Variants in GRIA1 observed in about 807,000 individuals in gnomAD.
GRIA1 encodes the protein glutamate ionotropic receptor AMPA type subunit 1, also known as glutamate receptor 1.
In GRIA1, 31 loss-of-function variants were observed where a neutral mutation model predicts 99.2. The observed-to-expected ratio is 0.31, with a 90% CI of 0.23 to 0.42. The LOEUF (loss-of-function observed/expected upper bound fraction) is 0.42, where lower values mean the gene tolerates loss of function less well. Ranked by LOEUF, GRIA1 falls within the 10% of genes least tolerant of loss-of-function variation. GRIA1 has a pLI of 1.00. For synonymous variants in GRIA1, 438 were observed against 432.4 expected (o/e 1.01, Z -0.16); for missense variants, 782 against 1,157.5 (o/e 0.68, Z 4.71).
intron 8 of GRIA1, 42 bp downstream of exon 8, chr5:153,686,371 T>C: frequency 6.8e-7 from 1 of 1,460,498 alleles, no homozygotes. Context: ...GAGAAGAGGC[T>C]GAGCAGGGAC....
At chr5:153,505,158 A>G (rs556879303) in intron 2 of GRIA1, among the ~76,000 whole-genome samples, 1 of 152,306 alleles carries the variant, frequency 6.6e-6, no homozygotes, top group African/African-American at 2.4e-5. Context: ...TAGGTCATGG[A>G]TTTACAGGGG....
intron 11 of GRIA1, among the ~76,000 whole-genome samples, chr5:153,733,674 T>C (rs946271670): frequency 1.3e-5 from 2 of 152,132 alleles, no homozygotes; most frequent in African/African-American, 4.8e-5. Context: ...AAAAGATATT[T>C]CATACAATTG....
At chr5:153,575,197 AAGAGAG>A (rs3064338) in intron 2 of GRIA1, among the ~76,000 whole-genome samples, 7 of 147,768 alleles carry the variant, frequency 4.7e-5, no homozygotes, top group Non-Finnish European at 7.4e-5. Context: ...TCAAGAGAGA[AAGAGAG>A]AGAGAGAGAG....
chr5:153,531,315 CATGGGCCTTCCTGGGG>C (rs1758076792), intron 2 of GRIA1, among the ~76,000 whole-genome samples: 1 of 152,144 alleles, frequency 6.6e-6, no homozygotes, highest in Non-Finnish European at 1.5e-5. Context: ...CCTTCTAGAC[CATGGGCCTTCCTGGGG>C]ATCTTCTCTT....
chr5:153,701,959 T>A (rs1758565582), intron 10 of GRIA1, among the ~76,000 whole-genome samples: 1 of 152,248 alleles, frequency 6.6e-6, no homozygotes, highest in African/African-American at 2.4e-5. Flanking sequence ...TTACTCACAT[T>A]CTTTCATTTA....
intron 11 of GRIA1, among the ~76,000 whole-genome samples, chr5:153,763,855 T>C (rs1763342306): frequency 6.6e-6 from 1 of 152,250 alleles, no homozygotes; most frequent in African/African-American, 2.4e-5. Flanking sequence ...GAATTGTGTC[T>C]GCACACAATG....
chr5:153,761,156 A>G (rs745980094), intron 11 of GRIA1, among the ~76,000 whole-genome samples: 3 of 152,202 alleles, frequency 2.0e-5, no homozygotes, highest in East Asian at 3.8e-4. Context: ...CCAGACAACA[A>G]AAGCAAAAAT....
rs558521519 is a variant in GRIA1 at position 153,647,766 on chromosome 5, C to G, written c.460+599C>G. On this transcript the variant is annotated intron_variant, in intron 3 of 15. Transcript: ENST00000285900. ...CCTTCTCTGGGCTTTCTAATTCTTC[C>G]TCCTTTGAATTTAACATCACATTTT... Among the ~76,000 whole-genome samples, 6 of 152,262 alleles carry G rather than the reference C, an allele frequency of 3.9e-5. No homozygotes were observed. In the East Asian group the frequency reaches 1.2e-3, roughly 29 times the overall value.
intron 13 of GRIA1, among the ~76,000 whole-genome samples, chr5:153,778,595 T>C (rs897891176): frequency 6.6e-6 from 1 of 151,018 alleles, no homozygotes; most frequent in Admixed American, 6.6e-5. Context: ...AGGAGGGAAA[T>C]TATGAGGAAG....
intron 2 of GRIA1, among the ~76,000 whole-genome samples, chr5:153,564,463 G>A (rs1223534142): frequency 6.6e-6 from 1 of 152,144 alleles, no homozygotes; most frequent in Non-Finnish European, 1.5e-5. Flanking sequence ...AACAATCTTT[G>A]TTTATTATCT....
At position 153,499,613 on chromosome 5, in the gene GRIA1, C is replaced by CAAAAAAAAAAA. The variant is rs70976100; in HGVS notation, c.220+5565_220+5575dup. Among the ~76,000 whole-genome samples the CAAAAAAAAAAA allele has an allele frequency of 3.8e-4, 16 of 42,118 alleles. 1 individual carries two copies. The highest frequency in any genetic ancestry group is 1.3e-3 in the African/African-American group (14 of 10,784). 27.6% of individuals were successfully genotyped at this position (42,118 alleles called of 152,430 possible). On this transcript the variant is annotated intron_variant, in intron 2 of 15. Coordinates refer to ENST00000285900, the MANE Select transcript of GRIA1 (RefSeq NM_000827.4). Reference sequence around the variant, plus strand: ...CTGGCAACAGAGCGAGAATTTGTCTCAAAAAAAAAAAAAAAAAAAAAAAAA... The same window carrying CAAAAAAAAAAA: ...CTGGCAACAGAGCGAGAATTTGTCTCAAAAAAAAAAAAAAAAAAAAAAAAAAAAAAAAAAAA...
intron 11 of GRIA1, among the ~76,000 whole-genome samples, chr5:153,760,576 A>G (rs896091918): frequency 6.6e-6 from 1 of 152,136 alleles, no homozygotes; most frequent in Non-Finnish European, 1.5e-5. Context: ...GAAAGAATTA[A>G]TATTGTTAAA....
intron 11 of GRIA1, among the ~76,000 whole-genome samples, chr5:153,763,781 A>G (rs141472031): frequency 1.3e-5 from 2 of 152,326 alleles, no homozygotes; most frequent in South Asian, 2.1e-4. Context: ...ATTGATTATC[A>G]TATTTGCCTT....
intron 5 of GRIA1, among the ~76,000 whole-genome samples, chr5:153,658,505 A>G (rs1379794361): frequency 6.6e-6 from 1 of 152,234 alleles, no homozygotes; most frequent in Non-Finnish European, 1.5e-5. Flanking sequence ...AATAAAAAAG[A>G]CTTGCATGTT....
intron 11 of GRIA1, among the ~76,000 whole-genome samples, chr5:153,726,629 G>C (rs1463024654): frequency 1.3e-5 from 2 of 152,146 alleles, no homozygotes; most frequent in Non-Finnish European, 2.9e-5. Context: ...AAATAAACTA[G>C]AAAATCTAGA....
intron 5 of GRIA1, among the ~76,000 whole-genome samples, chr5:153,658,561 A>T (rs1398404131): frequency 1.3e-5 from 2 of 152,216 alleles, no homozygotes; most frequent in Non-Finnish European, 2.9e-5. Flanking sequence ...TAATTAATTC[A>T]GTTTGAAACA....
intron 5 of GRIA1, among the ~76,000 whole-genome samples, chr5:153,673,527 A>G (rs1232795135): frequency 6.6e-6 from 1 of 152,232 alleles, no homozygotes; most frequent in South Asian, 2.1e-4. Context: ...TGAAATGATT[A>G]ATCAGTGAAT....
chr5:153,636,236 C>T (rs1345017143), intron 2 of GRIA1, among the ~76,000 whole-genome samples: 1 of 152,134 alleles, frequency 6.6e-6, no homozygotes, highest in Admixed American at 6.5e-5. Flanking sequence ...TCCTGCCCTG[C>T]CTACCTTATT....
chr5:153,679,482 G>C (rs1581455884), intron 7 of GRIA1, among the ~76,000 whole-genome samples: 2 of 152,162 alleles, frequency 1.3e-5, no homozygotes, highest in South Asian at 4.1e-4. Flanking sequence ...ACTCACCCAG[G>C]GTCACACAGC....
Sources: gnomAD v4.1 joint callset for allele counts (sites outside exome capture counted in the v4.1 genomes callset) on GRCh38, gnomAD v4.1.1 for gene constraint, MANE v1.5 for transcripts, NCBI Gene and HGNC (gene_info 2026-07-23, HGNC 2026-07-21) for gene names.